The following DLGAP2 variants were observed in gnomAD, a reference collection of about 807,000 sequenced individuals.
DLGAP2 encodes DLG associated protein 2.
Under a neutral mutation model 100.3 loss-of-function variants are expected in DLGAP2, and 26 were observed. The observed-to-expected ratio is 0.26, with a 90% CI of 0.19 to 0.36. The LOEUF (loss-of-function observed/expected upper bound fraction) is 0.36, where lower values mean the gene tolerates loss of function less well. Among genes scored for constraint, DLGAP2 ranks in the 10% least tolerant of loss-of-function variants. The pLI is 1.00. For synonymous variants in DLGAP2, 886 were observed against 630.1 expected (o/e 1.41, Z -6.08); for missense variants, 1,858 against 1,453.2 (o/e 1.28, Z -4.53).
At chr8:1,434,122 G>A (rs1424033781) in intron 3 of DLGAP2, among the ~76,000 whole-genome samples, 1 of 152,144 alleles carries the variant, frequency 6.6e-6, no homozygotes, top group Non-Finnish European at 1.5e-5. Context: ...ATGGAGACGT[G>A]GCCGCAGGGC....
At chr8:1,151,419 C>A (rs914134201) in intron 2 of DLGAP2, among the ~76,000 whole-genome samples, 5 of 152,188 alleles carry the variant, frequency 3.3e-5, no homozygotes, top group Non-Finnish European at 7.3e-5. Context: ...AGTCACTGTA[C>A]AGAGGAAAAG....
intron 2 of DLGAP2, among the ~76,000 whole-genome samples, chr8:957,940 C>T (rs1237387176): frequency 6.6e-6 from 1 of 152,138 alleles, no homozygotes; most frequent in Admixed American, 6.5e-5. Flanking sequence ...AATTCAGTGA[C>T]ATACAATACG....
intron 3 of DLGAP2, among the ~76,000 whole-genome samples, chr8:1,334,428 T>A (rs1342969446): frequency 6.6e-6 from 1 of 152,160 alleles, no homozygotes; most frequent in Admixed American, 6.5e-5. Flanking sequence ...TCGGTGAATT[T>A]TCTGTAAATA....
chr8:1,417,162 G>C (rs1563133715), intron 3 of DLGAP2, among the ~76,000 whole-genome samples: 4,085 of 101,844 alleles, frequency 0.04, 198 homozygotes, highest in East Asian at 0.061. Context: ...CTGAGTGAAG[G>C]GGAAGCCCCC....
chr8:1,032,155 G>A (rs1485871383), intron 2 of DLGAP2, among the ~76,000 whole-genome samples: 2 of 152,234 alleles, frequency 1.3e-5, no homozygotes, highest in African/African-American at 4.8e-5. Context: ...CAGCCAGGAC[G>A]GCGCAAGTTA....
intron 2 of DLGAP2, among the ~76,000 whole-genome samples, chr8:1,207,709 CCA>C (rs928947055): frequency 1.3e-4 from 20 of 152,314 alleles, no homozygotes; most frequent in South Asian, 1.0e-3. Flanking sequence ...TCCCTGTTTA[CCA>C]CATTCATGCC....
chr8:1,341,576 G>C (rs1801419135), intron 3 of DLGAP2, among the ~76,000 whole-genome samples: 1 of 152,190 alleles, frequency 6.6e-6, no homozygotes, highest in South Asian at 2.1e-4. Context: ...AGATGACTGT[G>C]GCTGACCCCG....
intron 1 of DLGAP2, among the ~76,000 whole-genome samples, chr8:780,922 C>G (rs1417293078): frequency 2.0e-5 from 3 of 152,142 alleles, no homozygotes; most frequent in African/African-American, 7.2e-5. Flanking sequence ...AAAAAGTATA[C>G]CAAGATATAT....
At chr8:912,178 T>C (rs1798498398) in intron 2 of DLGAP2, among the ~76,000 whole-genome samples, 1 of 152,132 alleles carries the variant, frequency 6.6e-6, no homozygotes, top group African/African-American at 2.4e-5. Context: ...CATGCAAACT[T>C]TGATAATAAG....
rs1563164783 is a variant in DLGAP2, at chr8:1,464,253, G to GCACC, written c.107-37112_107-37111insACCC. On this transcript the variant is annotated intron_variant, in intron 3 of 14. Transcript: ENST00000637795. ...TCCAGGACGACACCCTTCCAGGACG[G>GCACC]CTCCCTTCCAGGACGGCACCCTTCC... 3.7e-3 allele frequency among the ~76,000 whole-genome samples: 230 copies of GCACC among 62,244 alleles called. 41 individuals carry two copies. Among genetic ancestry groups the GCACC allele is most frequent in the East Asian group, 0.011 (12 of 1,080 alleles). The allele number at this position is 62,244 out of a possible 152,430, so 40.8% of individuals were successfully genotyped here.
intron 2 of DLGAP2, among the ~76,000 whole-genome samples, chr8:1,170,163 C>T (rs961114962): frequency 6.6e-6 from 1 of 152,126 alleles, no homozygotes; most frequent in Non-Finnish European, 1.5e-5. Flanking sequence ...GTCTTTGGTT[C>T]TGTTTATATG....
chr8:1,169,509 C>G (rs899515556), intron 2 of DLGAP2, among the ~76,000 whole-genome samples: 1 of 152,154 alleles, frequency 6.6e-6, no homozygotes, highest in African/African-American at 2.4e-5. Context: ...TCTTCCTATC[C>G]ATGAGCATGG....
At chr8:741,133 C>G (rs1247536101) in intron 1 of DLGAP2, among the ~76,000 whole-genome samples, 1 of 152,224 alleles carries the variant, frequency 6.6e-6, no homozygotes, top group Non-Finnish European at 1.5e-5. Flanking sequence ...TTCCTGGGTA[C>G]TTGTGCGTAC....
At chr8:1,508,740 G>A (rs1263646026) in intron 4 of DLGAP2, among the ~76,000 whole-genome samples, 6 of 150,926 alleles carry the variant, frequency 4.0e-5, no homozygotes, top group Non-Finnish European at 3.0e-5. Flanking sequence ...CCCAGTGCCC[G>A]CAGGAGGCGC....
chr8:1,215,188 G>C (rs913742696), intron 2 of DLGAP2, among the ~76,000 whole-genome samples: 1 of 152,192 alleles, frequency 6.6e-6, no homozygotes, highest in South Asian at 2.1e-4. Context: ...TTTTTGGAAA[G>C]GTAAACGAAA....
At chr8:809,458 G>GT (rs11464466) in intron 1 of DLGAP2, among the ~76,000 whole-genome samples, 90,096 of 145,820 alleles carry the variant, frequency 0.62, 27,736 homozygotes, top group East Asian at 0.72. Context: ...TCTCTGGCAG[G>GT]TTTTTTTTTT....
intron 1 of DLGAP2, among the ~76,000 whole-genome samples, chr8:900,339 G>C (rs1202182030): frequency 1.3e-5 from 2 of 148,980 alleles, no homozygotes; most frequent in Admixed American, 6.7e-5. Context: ...GCTCCCGGGT[G>C]GACGGTGGGC....
Position 1,330,140 on chromosome 8 carries a change from A to T in DLGAP2, c.106+71257A>T, listed in dbSNP as rs377016003. 4.6e-5 allele frequency among the ~76,000 whole-genome samples: 7 copies of T among 152,114 alleles called. No homozygotes were observed. In the East Asian group the frequency reaches 7.8e-4, roughly 17 times the overall value. On this transcript the variant is annotated intron_variant, in intron 3 of 14. Transcript: ENST00000637795. ...TGCGAGAGGTGTGGCTGTGGGAGTG[A>T]GGAGGTGGTGGCAGGAGCCAACAGG...
At chr8:1,665,949 A>G (rs1190965626) in intron 8 of DLGAP2, among the ~76,000 whole-genome samples, 1 of 152,216 alleles carries the variant, frequency 6.6e-6, no homozygotes, top group East Asian at 1.9e-4. Context: ...GTCGCACTCA[A>G]CACCCTTGAT....
Sources: allele counts gnomAD v4.1 joint callset (sites outside exome capture counted in the v4.1 genomes callset), GRCh38; gene constraint gnomAD v4.1.1; transcripts MANE v1.5; gene names NCBI Gene and HGNC (gene_info 2026-07-23, HGNC 2026-07-21).